The following TOX2 variants were observed in gnomAD, a reference collection of about 807,000 sequenced individuals.
TOX2 encodes the protein granulosa cell HMG box 1.
In TOX2, 15 loss-of-function variants were observed where a neutral mutation model predicts 47.4. The observed-to-expected ratio is 0.32, with a 90% CI of 0.21 to 0.49. The LOEUF is 0.49. TOX2 is among the 20% of genes least tolerant of loss of function. The pLI is 0.99. For missense variants in TOX2, 622 were observed against 673.1 expected (o/e 0.92, Z 0.84); for synonymous variants, 290 against 296.6 (o/e 0.98, Z 0.23).
Position 44,051,503 on chromosome 20 carries a change from C to T in TOX2, c.609C>T (p.Pro203=), listed in dbSNP as rs759530503. ...GGAGCAAGTCAGCGACCCCCTCTCC[C>T]TCCAGCTCCACTCAGGAAGAGGAGT... ...PPGSKSATPS[P]SSSTQEEESE... Residue 203 remains proline, a synonymous_variant, in exon 4 of 9, where the codon CCC becomes CCT. Transcript: ENST00000341197. The T allele has an allele frequency of 6.2e-7, 1 of 1,609,900 alleles. No individual in the cohort carries two copies. The highest frequency in any genetic ancestry group is 1.1e-5 in the South Asian group (1 of 90,750).
chr20:44,012,930 A>G (rs2070804151), intron 3 of TOX2, among the ~76,000 whole-genome samples: 1 of 152,224 alleles, frequency 6.6e-6, no homozygotes, highest in Non-Finnish European at 1.5e-5. Context: ...ACACAGGGCT[A>G]GGGGCTGTGG....
intron 1 of TOX2, among the ~76,000 whole-genome samples, chr20:43,924,951 CA>C (rs1267090186): frequency 3.9e-5 from 6 of 152,196 alleles, no homozygotes; most frequent in African/African-American, 1.4e-4. Flanking sequence ...ACCCTTTCTT[CA>C]GTTCCTTACT....
chr20:43,937,968 C>T (rs1235877103), intron 1 of TOX2, among the ~76,000 whole-genome samples: 1 of 152,128 alleles, frequency 6.6e-6, no homozygotes, highest in African/African-American at 2.4e-5. Flanking sequence ...TGAAACCGTG[C>T]AAGTAGCTGC....
At chr20:43,936,029 A>C (rs754794356) in intron 1 of TOX2, among the ~76,000 whole-genome samples, 5 of 151,016 alleles carry the variant, frequency 3.3e-5, no homozygotes, top group Non-Finnish European at 7.4e-5. Context: ...ATATTCTTGC[A>C]TGCACAGGGG....
chr20:44,027,471 G>A (rs753806489), intron 3 of TOX2, among the ~76,000 whole-genome samples: 5 of 152,170 alleles, frequency 3.3e-5, no homozygotes, highest in South Asian at 2.1e-4. Context: ...AGGCCTCTCC[G>A]CCATAGCCTG....
chr20:43,955,239 A>C (rs2069647184), intron 1 of TOX2: 3 of 985,488 alleles, frequency 3.0e-6, no homozygotes, highest in Non-Finnish European at 2.4e-6. Flanking sequence ...CTGAAACTGC[A>C]CGAGTTCTGG....
At chr20:43,970,337 C>A (rs1040188683) in intron 1 of TOX2, among the ~76,000 whole-genome samples, 1 of 152,212 alleles carries the variant, frequency 6.6e-6, no homozygotes, top group African/African-American at 2.4e-5. Flanking sequence ...TGCTCAGTAC[C>A]AGGAATATTC....
chr20:43,927,520 T>C (rs1411236946), intron 1 of TOX2, among the ~76,000 whole-genome samples: 1 of 145,176 alleles, frequency 6.9e-6, no homozygotes, highest in Non-Finnish European at 1.5e-5. Flanking sequence ...CATCATGAGA[T>C]ATGCTTTGGA....
At chr20:43,993,740 C>A (rs1040840720) in intron 2 of TOX2, among the ~76,000 whole-genome samples, 2 of 152,138 alleles carry the variant, frequency 1.3e-5, no homozygotes, top group Non-Finnish European at 2.9e-5. Flanking sequence ...CTGACAGAGA[C>A]CATATGACTC....
chr20:43,922,641 T>A (rs1437281984), intron 1 of TOX2, among the ~76,000 whole-genome samples: 1 of 152,222 alleles, frequency 6.6e-6, no homozygotes, highest in African/African-American at 2.4e-5. Flanking sequence ...TGTGGTAAAT[T>A]GTAATTTTAT....
chr20:43,940,117 G>T (rs1220239341), intron 1 of TOX2, among the ~76,000 whole-genome samples: 1 of 152,110 alleles, frequency 6.6e-6, no homozygotes, highest in South Asian at 2.1e-4. Flanking sequence ...CTAGGAGCTT[G>T]GTGCAGAGCT....
chr20:43,989,048 G>A (rs188186024), intron 2 of TOX2, among the ~76,000 whole-genome samples: 2 of 152,290 alleles, frequency 1.3e-5, no homozygotes, highest in Admixed American at 6.5e-5. Context: ...GATTCAGGCC[G>A]TGCTATCCCC....
In TOX2 at chr20:44,051,319, T is replaced by G; in HGVS notation, c.425T>G (p.Val142Gly). The G allele has an allele frequency of 6.2e-7, 1 of 1,608,588 alleles. No homozygotes were observed. The highest frequency in any genetic ancestry group is 8.5e-7 in the Non-Finnish European group (1 of 1,176,044). The change falls in exon 4 of 9, where the codon GTC becomes GGC. Residue 142 changes from valine to glycine, a missense_variant. Physicochemically the swap from Val to Gly is moderately radical, Grantham distance 109. Transcript: ENST00000341197. ...SGQLPTIQEM[V>G]HSEVAAYDSG... ...CTCCTCTCTTAGATCCAGGAGATGG[T>G]CCACTCGGAAGTGGCTGCCTATGAC...
chr20:44,058,419 A>T (rs2071659906), intron 5 of TOX2, among the ~76,000 whole-genome samples: 1 of 150,888 alleles, frequency 6.6e-6, no homozygotes, highest in Admixed American at 6.6e-5. Flanking sequence ...CCCTGCCCCT[A>T]CCTGATGGTC....
rs1009046971 is a variant in TOX2, at chr20:43,915,121, C to A, written c.99+131C>A. 3 of 429,634 alleles carry A rather than the reference C, an allele frequency of 7.0e-6. No homozygotes were observed. Among genetic ancestry groups the A allele is most frequent in the Non-Finnish European group, 6.6e-6 (2 of 302,844 alleles). 26.6% of individuals were successfully genotyped at this position (429,634 alleles called of 1,614,324 possible). On this transcript the variant is annotated intron_variant, in intron 1 of 8. Transcript: ENST00000341197. This position sits in a 1 kb window ranked among gnomAD's most constrained non-coding sequence, Gnocchi z 7.1. The stretch of plus-strand genomic sequence containing the variant: ...GCCGACGGGCACGGGCGGCTCACAT[C>A]GATCCCCTCGCGGCCACGCTCACGC...
At chr20:43,944,582 G>T (rs903918298) in intron 1 of TOX2, among the ~76,000 whole-genome samples, 3 of 152,116 alleles carry the variant, frequency 2.0e-5, no homozygotes, top group Non-Finnish European at 2.9e-5. Context: ...GACACGCTGG[G>T]CACCAGCCCC....
intron 2 of TOX2, among the ~76,000 whole-genome samples, chr20:44,005,071 G>T (rs987037989): frequency 3.9e-5 from 6 of 152,152 alleles, no homozygotes; most frequent in African/African-American, 1.4e-4. Flanking sequence ...CCATAAGTAA[G>T]TACCATTATT....
intron 1 of TOX2, among the ~76,000 whole-genome samples, chr20:43,943,653 A>G (rs991882674): frequency 2.0e-5 from 3 of 152,230 alleles, no homozygotes; most frequent in African/African-American, 7.2e-5. Flanking sequence ...AACAACAAAA[A>G]AAAAGTTTTT....
chr20:44,014,153 AAAG>A (rs2070832309), intron 3 of TOX2, among the ~76,000 whole-genome samples: 2 of 150,746 alleles, frequency 1.3e-5, no homozygotes, highest in Non-Finnish European at 3.0e-5. Context: ...AAAAAAAAAA[AAAG>A]GAAAAGAGAG....
Sources: gnomAD v4.1 joint callset for allele counts (sites outside exome capture counted in the v4.1 genomes callset) on GRCh38, gnomAD v4.1.1 for gene constraint, Gnocchi (gnomAD v3.1) non-coding constraint, MANE v1.5 for transcripts, NCBI Gene and HGNC (gene_info 2026-07-23, HGNC 2026-07-21) for gene names.